The following MDGA2 variants were observed in gnomAD, a reference collection of about 807,000 sequenced individuals.
The protein encoded by MDGA2 is MAM domain-containing glycosylphosphatidylinositol anchor protein 2.
MDGA2 carries 40 observed loss-of-function variants against 117.8 expected under a neutral mutation model. That is an observed-to-expected ratio of 0.34 (90% confidence interval 0.26 to 0.44). The LOEUF (loss-of-function observed/expected upper bound fraction) is 0.44, where lower values mean the gene tolerates loss of function less well. Ranked by LOEUF, MDGA2 falls within the 20% of genes least tolerant of loss-of-function variation. The pLI is 1.00. For synonymous variants in MDGA2, 452 were observed against 439.0 expected (o/e 1.03, Z -0.37); for missense variants, 1,123 against 1,250.6 (o/e 0.90, Z 1.54).
chr14:47,332,534 A>G (rs1044449600), intron 1 of MDGA2, among the ~76,000 whole-genome samples: 24 of 150,176 alleles, frequency 1.6e-4, no homozygotes, highest in African/African-American at 5.9e-4. Flanking sequence ...GTCCTATTGA[A>G]AGAAAAAGAT....
At chr14:47,426,245 C>T (rs1015355048) in intron 1 of MDGA2, among the ~76,000 whole-genome samples, 1 of 152,028 alleles carries the variant, frequency 6.6e-6, no homozygotes, top group Non-Finnish European at 1.5e-5. Flanking sequence ...TGACTCCCAT[C>T]GGAGGATCTA....
At chr14:47,488,947 G>T (rs192258021) in intron 1 of MDGA2, among the ~76,000 whole-genome samples, 1 of 151,978 alleles carries the variant, frequency 6.6e-6, no homozygotes, top group African/African-American at 2.4e-5. Flanking sequence ...CTGATAATTT[G>T]CAAAACAACA....
chr14:47,654,904 T>C (rs904359178), intron 1 of MDGA2, among the ~76,000 whole-genome samples: 6 of 152,040 alleles, frequency 3.9e-5, no homozygotes, highest in African/African-American at 1.4e-4. Context: ...TGGGAAGGAA[T>C]ATAATGTTGG....
chr14:47,279,681 T>C (rs1444149902), intron 2 of MDGA2, among the ~76,000 whole-genome samples: 2 of 152,094 alleles, frequency 1.3e-5, no homozygotes, highest in African/African-American at 4.8e-5. Flanking sequence ...TGTTTTCCTC[T>C]AGTATTTTCA....
chr14:47,572,001 T>C (rs1051087136), intron 1 of MDGA2, among the ~76,000 whole-genome samples: 12 of 152,364 alleles, frequency 7.9e-5, no homozygotes, highest in African/African-American at 2.9e-4. Context: ...AATAAAAGTA[T>C]ATGCAGTCAG....
intron 1 of MDGA2, among the ~76,000 whole-genome samples, chr14:47,586,261 A>G (rs1342817703): frequency 6.6e-5 from 10 of 151,850 alleles, no homozygotes; most frequent in Admixed American, 6.6e-4. Flanking sequence ...CTGACCAACA[A>G]CACAATGTCT....
intron 9 of MDGA2, among the ~76,000 whole-genome samples, chr14:46,922,788 C>G (rs1884180738): frequency 6.6e-6 from 1 of 152,330 alleles, no homozygotes; most frequent in African/African-American, 2.4e-5. Context: ...TCTCTTTGGT[C>G]TTCTTCCTCC....
rs144932686 is a variant in MDGA2, at chr14:47,070,699, G to C, written c.1196-9121C>G. On this transcript the variant is annotated intron_variant, in intron 6 of 16. Coordinates refer to ENST00000399232, the MANE Select transcript of MDGA2 (RefSeq NM_001113498.3). ...TGGCTCACTGCAACCTCTGCCTCCT[G>C]GGTTCAAGCAATTCTCCCACCTCAG... Among the ~76,000 whole-genome samples, 518 of 152,232 alleles carry C rather than the reference G, an allele frequency of 3.4e-3. 20 individuals are homozygous for C. In the East Asian group the frequency reaches 0.091, roughly 27 times the overall value.
At chr14:47,360,063 T>C (rs1566753882) in intron 1 of MDGA2, among the ~76,000 whole-genome samples, 1 of 152,066 alleles carries the variant, frequency 6.6e-6, no homozygotes. Flanking sequence ...TTAAAAGATG[T>C]GCAAAGGGCC....
intron 6 of MDGA2, among the ~76,000 whole-genome samples, chr14:47,091,298 C>A (rs1879641983): frequency 6.6e-6 from 1 of 152,090 alleles, no homozygotes; most frequent in Admixed American, 6.6e-5. Context: ...ATTCTAGGCT[C>A]CAAGACTACA....
At chr14:47,642,040 C>G (rs4900792) in intron 1 of MDGA2, among the ~76,000 whole-genome samples, 1 of 151,858 alleles carries the variant, frequency 6.6e-6, no homozygotes, top group African/African-American at 2.4e-5. Flanking sequence ...AAATGTGTAA[C>G]GTAGGAAAAA....
intron 1 of MDGA2, among the ~76,000 whole-genome samples, chr14:47,535,749 A>G (rs1034136142): frequency 6.6e-6 from 1 of 152,244 alleles, no homozygotes; most frequent in African/African-American, 2.4e-5. Context: ...CTTCCAGTAC[A>G]ATAGTTCTAA....
chr14:47,540,540 G>GTGTGTGTGTGTGTGTATATATATA lies in MDGA2; in HGVS notation c.280+133976_280+133977insTATATATATACACACACACACACA. ...TGTATATGTGTGTGTGTGTGTGTGT[G>GTGTGTGTGTGTGTGTATATATATA]TATATATATATATGTATATATATAC... On this transcript the variant is annotated intron_variant, in intron 1 of 16. Coordinates refer to ENST00000399232, the MANE Select transcript of MDGA2 (RefSeq NM_001113498.3). 9.3e-3 allele frequency among the ~76,000 whole-genome samples: 733 copies of GTGTGTGTGTGTGTGTATATATATA among 78,966 alleles called. 17 individuals are homozygous for GTGTGTGTGTGTGTGTATATATATA. The highest frequency in any genetic ancestry group is 0.032 in the Middle Eastern group (5 of 158). 51.8% of individuals were successfully genotyped at this position (78,966 alleles called of 152,430 possible).
At chr14:47,124,840 G>A (rs140199917) in intron 5 of MDGA2, among the ~76,000 whole-genome samples, 33 of 152,138 alleles carry the variant, frequency 2.2e-4, no homozygotes, top group African/African-American at 7.5e-4. Flanking sequence ...CCATCCGCAA[G>A]CCAAGAAAAT....
chr14:47,009,542 A>G (rs1887824517), intron 8 of MDGA2, among the ~76,000 whole-genome samples: 1 of 152,070 alleles, frequency 6.6e-6, no homozygotes, highest in Non-Finnish European at 1.5e-5. Context: ...TCTATCAGCA[A>G]TACAAACTCA....
chr14:47,344,032 G>C (rs1274909561), intron 1 of MDGA2, among the ~76,000 whole-genome samples: 1 of 152,080 alleles, frequency 6.6e-6, no homozygotes, highest in Non-Finnish European at 1.5e-5. Context: ...CCCTCTGAGT[G>C]CAAACAGCTG....
chr14:47,346,487 A>G (rs925140641), intron 1 of MDGA2, among the ~76,000 whole-genome samples: 3 of 152,194 alleles, frequency 2.0e-5, no homozygotes, highest in African/African-American at 7.2e-5. Flanking sequence ...TCCTAATTGC[A>G]TTTTTAAAAA....
At chr14:47,021,521 C>G (rs1045338803) in intron 8 of MDGA2, among the ~76,000 whole-genome samples, 17 of 152,120 alleles carry the variant, frequency 1.1e-4, no homozygotes, top group African/African-American at 4.1e-4. Flanking sequence ...CCTTCAATCT[C>G]TTATTTTTTA....
At chr14:47,034,770 T>A (rs906467196) in intron 8 of MDGA2, among the ~76,000 whole-genome samples, 1 of 137,822 alleles carries the variant, frequency 7.3e-6, no homozygotes, top group Admixed American at 7.2e-5. Context: ...ACACACACAC[T>A]AAAACAACTC....
Sources: allele counts gnomAD v4.1 joint callset (sites outside exome capture counted in the v4.1 genomes callset), GRCh38; gene constraint gnomAD v4.1.1; transcripts MANE v1.5; gene names NCBI Gene and HGNC (gene_info 2026-07-23, HGNC 2026-07-21).